Variants in INVS observed in about 807,000 individuals in gnomAD.
The protein encoded by INVS is inversin.
In INVS, 86 loss-of-function variants were observed where a neutral mutation model predicts 108.8. The ratio of observed to expected loss-of-function variants is 0.79; its 90% CI spans 0.66 to 0.95. The LOEUF is 0.95. Ranked by LOEUF, INVS falls within the 40% of genes least tolerant of loss-of-function variation. The probability of loss-of-function intolerance (pLI) is 0.00; values close to 1 mark genes in which losing one functional copy is unlikely to be tolerated. For missense variants in INVS, 1,169 were observed against 1,297.4 expected (o/e 0.90, Z 1.52); for synonymous variants, 455 against 473.5 (o/e 0.96, Z 0.51).
chr9:100,236,257 G>C (rs1440107346), intron 5 of INVS, among the ~76,000 whole-genome samples: 1 of 152,132 alleles, frequency 6.6e-6, no homozygotes, highest in African/African-American at 2.4e-5. Context: ...AGCAGTTCCT[G>C]TAATCTTTTA....
At chr9:100,253,215 C>G in intron 10 of INVS, 79 bp downstream of exon 10, 1 of 1,087,404 alleles carries the variant, frequency 9.2e-7, no homozygotes, top group Non-Finnish European at 1.4e-6. Context: ...ATAAGTAAAA[C>G]AACAGTTTAC....
rs538473679 is a variant in INVS at position 100,294,740 on chromosome 9, G to C, written c.2786+1697G>C. On this transcript the variant is annotated intron_variant, in intron 14 of 16. Coordinates refer to ENST00000262457, the MANE Select transcript of INVS (RefSeq NM_014425.5). ...GCACTTTGCCTGAAAATAGGCTGGAGAAGGCTGCCTGGTTGGTGTCACACA... is the reference window on the plus strand; with the variant it reads ...GCACTTTGCCTGAAAATAGGCTGGACAAGGCTGCCTGGTTGGTGTCACACA... 3.3e-5 allele frequency among the ~76,000 whole-genome samples: 5 copies of C among 152,324 alleles called. No individual in the cohort carries two copies. In the East Asian group the frequency reaches 7.7e-4, roughly 24 times the overall value.
chr9:100,112,001 T>G (rs573911442), intron 2 of INVS, among the ~76,000 whole-genome samples: 17 of 152,006 alleles, frequency 1.1e-4, no homozygotes, highest in Non-Finnish European at 2.5e-4. Flanking sequence ...TTTCTTTCTT[T>G]TTTTGAGACA....
chr9:100,218,916 G>C (rs1405290314), intron 3 of INVS, among the ~76,000 whole-genome samples: 1 of 152,116 alleles, frequency 6.6e-6, no homozygotes, highest in Non-Finnish European at 1.5e-5. Context: ...TAATGGACTA[G>C]GAGCTGGGTG....
chr9:100,192,500 G>T (rs1358264198), intron 3 of INVS, among the ~76,000 whole-genome samples: 1 of 152,118 alleles, frequency 6.6e-6, no homozygotes, highest in Non-Finnish European at 1.5e-5. Context: ...AGAATCTTAT[G>T]AATAAACTGA....
chr9:100,129,444 G>C (rs1379791873), intron 3 of INVS, among the ~76,000 whole-genome samples: 1 of 151,910 alleles, frequency 6.6e-6, no homozygotes, highest in African/African-American at 2.4e-5. Flanking sequence ...AGTGAGGAGA[G>C]ATCATACCAC....
intron 12 of INVS, among the ~76,000 whole-genome samples, chr9:100,280,628 T>C (rs1423810588): frequency 1.3e-5 from 2 of 152,248 alleles, no homozygotes; most frequent in African/African-American, 4.8e-5. Flanking sequence ...ACTAGAATAA[T>C]CTTTTTCTGA....
At chr9:100,118,880 C>T (rs1290410011) in intron 2 of INVS, among the ~76,000 whole-genome samples, 16 of 152,028 alleles carry the variant, frequency 1.1e-4, no homozygotes, top group African/African-American at 2.9e-4. Flanking sequence ...AGGCTGGCCT[C>T]GAACTCCTGA....
At chr9:100,161,384 A>AAAAAAC (rs1829179928) in intron 3 of INVS, among the ~76,000 whole-genome samples, 1 of 151,382 alleles carries the variant, frequency 6.6e-6, no homozygotes, top group Non-Finnish European at 1.5e-5. Flanking sequence ...AAAAAAAAAA[A>AAAAAAC]AAAAAAAACC....
chr9:100,129,264 T>G (rs368685660), intron 3 of INVS, among the ~76,000 whole-genome samples: 3 of 152,186 alleles, frequency 2.0e-5, no homozygotes, highest in East Asian at 3.9e-4. Flanking sequence ...GGTGGATCAC[T>G]TGAGGCCAGG....
intron 15 of INVS, 50 bp downstream of exon 15, chr9:100,297,196 C>T: frequency 2.2e-6 from 3 of 1,352,196 alleles, no homozygotes; most frequent in Non-Finnish European, 3.2e-6. Context: ...CCCAGAGTAC[C>T]ACATCAGAAT....
intron 2 of INVS, among the ~76,000 whole-genome samples, chr9:100,116,540 T>G (rs7031081): frequency 0.16 from 23,882 of 152,128 alleles, 2,602 homozygotes; most frequent in African/African-American, 0.31. Flanking sequence ...TTCTTAATTG[T>G]GTTTTCAAAC....
At chr9:100,269,634 A>T (rs1588135958) in intron 11 of INVS, among the ~76,000 whole-genome samples, 1 of 151,990 alleles carries the variant, frequency 6.6e-6, no homozygotes, top group Non-Finnish European at 1.5e-5. Context: ...AAGATAAATA[A>T]TTTTTTTTCT....
At chr9:100,183,937 T>G (rs181130419) in intron 3 of INVS, among the ~76,000 whole-genome samples, 8 of 151,956 alleles carry the variant, frequency 5.3e-5, no homozygotes, top group Non-Finnish European at 2.9e-5. Context: ...ATAGTAAATA[T>G]AGGTATAATA....
At chr9:100,181,965 ATC>A (rs1564147779) in intron 3 of INVS, among the ~76,000 whole-genome samples, 1 of 152,152 alleles carries the variant, frequency 6.6e-6, no homozygotes, top group African/African-American at 2.4e-5. Context: ...AACCCAACAC[ATC>A]TACAACCATC....
chr9:100,300,298 T>C (rs889498557), intron 16 of INVS, among the ~76,000 whole-genome samples: 6 of 152,238 alleles, frequency 3.9e-5, no homozygotes, highest in Admixed American at 3.3e-4. Context: ...CTATTTGTTA[T>C]TTCAGGCAGA....
At chr9:100,173,300 G>A (rs1190163931) in intron 3 of INVS, among the ~76,000 whole-genome samples, 1 of 152,222 alleles carries the variant, frequency 6.6e-6, no homozygotes, top group Non-Finnish European at 1.5e-5. Context: ...GAAGAGGATA[G>A]CACTGGGTGA....
chr9:100,175,714 A>G, intron 3 of INVS: 1 of 628,296 alleles, frequency 1.6e-6, no homozygotes, highest in Non-Finnish European at 3.0e-6. Flanking sequence ...ATGTCTGGGA[A>G]CCTTTCAATG....
At chr9:100,263,536 C>T (rs1832694808) in intron 10 of INVS, among the ~76,000 whole-genome samples, 1 of 152,194 alleles carries the variant, frequency 6.6e-6, no homozygotes, top group Non-Finnish European at 1.5e-5. Flanking sequence ...CACTCACCCT[C>T]CTGACTCCCT....
Sources: allele counts gnomAD v4.1 joint callset (sites outside exome capture counted in the v4.1 genomes callset), GRCh38; gene constraint gnomAD v4.1.1; transcripts MANE v1.5; gene names NCBI Gene and HGNC (gene_info 2026-07-23, HGNC 2026-07-21).